Variants in EIF5B observed in about 807,000 individuals in gnomAD.
The protein encoded by EIF5B is eIF-5B.
In EIF5B, 47 loss-of-function variants were observed where a neutral mutation model predicts 147.5. The observed-to-expected ratio is 0.32, with a 90% CI of 0.25 to 0.41. The LOEUF (loss-of-function observed/expected upper bound fraction) is 0.41. Ranked by LOEUF, EIF5B falls within the 10% of genes least tolerant of loss-of-function variation. The pLI, the probability that EIF5B is intolerant of heterozygous loss-of-function variation, is 1.00. For synonymous variants in EIF5B, 455 were observed against 456.2 expected (o/e 1.00, Z 0.03); for missense variants, 1,064 against 1,413.2 (o/e 0.75, Z 3.96).
Position 99,379,471 on chromosome 2 carries a change from T to C in EIF5B, c.2061+43T>C, listed in dbSNP as rs766404345. On this transcript the variant is annotated intron_variant, in intron 12 of 23. Transcript: ENST00000289371. Reference sequence around the variant, plus strand: ...CATGTATTTTAATCTCTGACAAAAATTAAGATATGAACTATTTCAAACATA... The same window carrying C: ...CATGTATTTTAATCTCTGACAAAAACTAAGATATGAACTATTTCAAACATA... 1.1e-5 allele frequency: 16 copies of C among 1,457,240 alleles called. No homozygotes were observed. In the East Asian group the frequency reaches 3.8e-4, roughly 35 times the overall value. The allele number at this position is 1,457,240 out of a possible 1,614,324, so 90.3% of individuals were successfully genotyped here.
intron 10 of EIF5B, among the ~76,000 whole-genome samples, chr2:99,377,405 C>A (rs1420255853): frequency 1.3e-5 from 2 of 151,234 alleles, no homozygotes; most frequent in East Asian, 3.9e-4. Context: ...ATTTGGGGGC[C>A]AGATAATTCT....
intron 9 of EIF5B, among the ~76,000 whole-genome samples, chr2:99,374,094 G>C (rs1173038500): frequency 6.6e-6 from 1 of 152,022 alleles, no homozygotes; most frequent in Non-Finnish European, 1.5e-5. Flanking sequence ...ATTGAGATTA[G>C]CCTGGCCAAT....
chr2:99,347,505 G>GTT (rs939152579), intron 1 of EIF5B, among the ~76,000 whole-genome samples: 5 of 141,860 alleles, frequency 3.5e-5, no homozygotes, highest in Admixed American at 1.4e-4. Context: ...GCATTTTTCA[G>GTT]TTTTTTTTTT....
Position 99,337,477 on chromosome 2 carries a change from A to G in EIF5B, c.-78A>G. 1.3e-6 allele frequency: 2 copies of G among 1,562,316 alleles called. No individual in the cohort carries two copies. The highest frequency in any genetic ancestry group is 1.9e-5 in the Admixed American group (1 of 53,244). On this transcript the variant is annotated 5_prime_UTR_variant, in exon 1 of 24. Coordinates refer to ENST00000289371, the MANE Select transcript of EIF5B (RefSeq NM_015904.4). ...ACGAGGGGAAAAGAGCTGAGCGGAG[A>G]CCAAAGTCAGCCGGGAGACAGTGGG...
At chr2:99,366,546 G>A (rs1439653991) in intron 6 of EIF5B, among the ~76,000 whole-genome samples, 1 of 151,926 alleles carries the variant, frequency 6.6e-6, no homozygotes, top group Non-Finnish European at 1.5e-5. Context: ...TCCTACGTTA[G>A]AGATAACATT....
At chr2:99,339,892 C>T (rs1420915022) in intron 1 of EIF5B, among the ~76,000 whole-genome samples, 2 of 152,134 alleles carry the variant, frequency 1.3e-5, no homozygotes, top group African/African-American at 4.8e-5. Context: ...TTTTTTCCCC[C>T]TCTCAACCTA....
In EIF5B at chr2:99,379,082, G is replaced by A. The variant is rs1344674132; in HGVS notation, c.1906G>A (p.Val636Ile). The change falls in exon 11 of 24, where the codon GTA (valine) becomes ATA (isoleucine). Residue 636 changes from valine (V) to isoleucine (I), a missense_variant. Around this residue, in one of 4 missense-constraint regions of EIF5B, gnomAD observed 380 missense variants for 715.6 expected, o/e 0.53. Transcript: ENST00000289371. ...AAAGCTAAGAGCCCCTATTATCTGC[G>A]TACTTGGGCATGTGGACACAGGGAA... ...TEKLRAPIIC[V>I]LGHVDTGKTK... is the part of the protein sequence containing the mutation. The A allele has an allele frequency of 3.7e-6, 6 of 1,605,326 alleles. No homozygotes were observed. Among genetic ancestry groups the A allele is most frequent in the South Asian group, 1.1e-5 (1 of 88,614 alleles).
chr2:99,339,372 G>C (rs977535422), intron 1 of EIF5B, among the ~76,000 whole-genome samples: 4 of 151,814 alleles, frequency 2.6e-5, no homozygotes, highest in Admixed American at 6.6e-5. Flanking sequence ...AATCCACCAA[G>C]TATATCTGTA....
At chr2:99,337,623 G>GC (rs753556255) in intron 1 of EIF5B, 34 bp downstream of exon 1, 1 of 1,594,976 alleles carries the variant, frequency 6.3e-7, no homozygotes, top group Non-Finnish European at 8.5e-7. Context: ...GGCGGCGGCC[G>GC]CCGTGGCTCA....
chr2:99,359,724 A>G (rs997466536), intron 1 of EIF5B, among the ~76,000 whole-genome samples: 1 of 152,168 alleles, frequency 6.6e-6, no homozygotes, highest in Non-Finnish European at 1.5e-5. Context: ...TTTTCTCAGG[A>G]CATTCAATCC....
Position 99,379,396 on chromosome 2 carries a change from G to C in EIF5B, c.2029G>C (p.Ala677Pro). 6.2e-7 allele frequency: 1 copy of C among 1,613,408 alleles called. No individual in the cohort carries two copies. Among genetic ancestry groups the C allele is most frequent in the Non-Finnish European group, 8.5e-7 (1 of 1,179,536 alleles). Residue 677 changes from alanine (A) to proline (P), a missense_variant, in exon 12 of 24, where the codon GCT (alanine) becomes CCT (proline). Transcript: ENST00000289371. ...QIGATNVPLE[A>P]INEQTKMIKN... ...TGGGGCCACCAATGTTCCTCTTGAA[G>C]CTATTAATGAACAGACTAAGATGAT...
At chr2:99,350,993 A>C (rs994088651) in intron 1 of EIF5B, among the ~76,000 whole-genome samples, 5 of 152,252 alleles carry the variant, frequency 3.3e-5, no homozygotes, top group Non-Finnish European at 7.3e-5. Context: ...AGATACTAGA[A>C]AAAGATTATA....
rs778611696 is a variant in EIF5B at position 99,379,340 on chromosome 2, A to G, written c.1973A>G (p.Asp658Gly). 2 of 1,613,678 alleles carry G rather than the reference A, an allele frequency of 1.2e-6. No homozygotes were observed. The highest frequency in any genetic ancestry group is 1.1e-5 in the South Asian group (1 of 91,044). ...LDKLRHTHVQ[D>G]GEAGGITQQI... The stretch of plus-strand genomic sequence containing the variant: ...TAGCTCCGTCACACACATGTACAAG[A>G]TGGTGAAGCAGGTGGTATCACACAA... The change falls in exon 12 of 24, where the codon GAT becomes GGT. Residue 658 changes from aspartate to glycine, a missense_variant. Asp to Gly is a moderately conservative substitution (Grantham distance 94). Transcript: ENST00000289371.
chr2:99,360,150 A>C, intron 1 of EIF5B, 86 bp from the exon 2 acceptor site: 3 of 1,461,204 alleles, frequency 2.1e-6, no homozygotes, highest in East Asian at 4.8e-5. Flanking sequence ...CTAATGCATG[A>C]AAAAGGTTAA....
Position 99,361,588 on chromosome 2 carries a change from CCAAAAGAAGGCA to C in EIF5B, c.688_699del (p.Gln230_Ala233del), listed in dbSNP as rs1425554384. 6.2e-7 allele frequency: 1 copy of C among 1,604,252 alleles called. No homozygotes were observed. ...CCTCCTTCAAAATTAAGACAGTGGC[CCAAAAGAAGGCA>C]GAAAAGAAGGAGCGCGAGAGAAAAA... On this transcript the variant is annotated inframe_deletion, in exon 4 of 24. Coordinates refer to ENST00000289371, the MANE Select transcript of EIF5B (RefSeq NM_015904.4).
chr2:99,370,764 G>A (rs1444764212), intron 8 of EIF5B, among the ~76,000 whole-genome samples: 3 of 152,160 alleles, frequency 2.0e-5, no homozygotes, highest in Admixed American at 1.3e-4. Context: ...TTAGATTTCA[G>A]TAAAGAAAAG....
At position 99,379,053 on chromosome 2, in the gene EIF5B, C is replaced by A. The variant is rs115723036; in HGVS notation, c.1877C>A (p.Thr626Asn). 2.9e-4 allele frequency: 453 copies of A among 1,584,116 alleles called. 1 individual carries two copies. In the African/African-American group the frequency reaches 5.4e-3, roughly 19 times the overall value. ...CTTGAACATAGTAAAAATGTAAACA[C>A]CGAAAAGCTAAGAGCCCCTATTATC... The part of the protein sequence containing the change: ...RRLEHSKNVN[T>N]EKLRAPIICV... Residue 626 changes from threonine (T) to asparagine (N), a missense_variant, in exon 11 of 24, where the codon ACC (threonine) becomes AAC (asparagine). Around this residue, in one of 4 missense-constraint regions of EIF5B, gnomAD observed 380 missense variants for 715.6 expected, o/e 0.53. Coordinates refer to ENST00000289371, the MANE Select transcript of EIF5B (RefSeq NM_015904.4).
chr2:99,354,968 A>C (rs1418664566), intron 1 of EIF5B, among the ~76,000 whole-genome samples: 1 of 151,884 alleles, frequency 6.6e-6, no homozygotes, highest in Non-Finnish European at 1.5e-5. Context: ...ACACCCAGCT[A>C]CTTTTTGTAT....
At chr2:99,371,356 C>T (rs896688195) in intron 8 of EIF5B, among the ~76,000 whole-genome samples, 6 of 151,896 alleles carry the variant, frequency 4.0e-5, no homozygotes, top group Non-Finnish European at 7.4e-5. Context: ...GCCACGGTGG[C>T]GGGCATCTGT....
Sources: gnomAD v4.1 joint callset for allele counts (sites outside exome capture counted in the v4.1 genomes callset) on GRCh38, gnomAD v4.1.1 for gene constraint, gnomAD v4.1.1 regional missense constraint, MANE v1.5 for transcripts, NCBI Gene and HGNC (gene_info 2026-07-23, HGNC 2026-07-21) for gene names.